Variants in USH2A observed in about 807,000 individuals in gnomAD.
The protein encoded by USH2A is Usher syndrome 2A (autosomal recessive, mild).
A neutral mutation model predicts 538.9 loss-of-function variants in USH2A; 443 were observed. The observed-to-expected ratio is 0.82, with a 90% CI of 0.76 to 0.89. The LOEUF is 0.89. Ranked by LOEUF, USH2A falls within the 40% of genes least tolerant of loss-of-function variation. The pLI, the probability that USH2A is intolerant of heterozygous loss-of-function variation, is 0.00. For synonymous variants in USH2A, 2,413 were observed against 2,273.5 expected (o/e 1.06, Z -1.75); for missense variants, 6,633 against 6,324.8 (o/e 1.05, Z -1.65).
chr1:215,761,688 T>C (rs930655722), intron 56 of USH2A, among the ~76,000 whole-genome samples: 18 of 152,280 alleles, frequency 1.2e-4, no homozygotes, highest in African/African-American at 4.1e-4. Flanking sequence ...TATACTTCTG[T>C]CTAAAAAATA....
At chr1:215,820,351 G>T (rs758171481) in intron 47 of USH2A, among the ~76,000 whole-genome samples, 1 of 151,240 alleles carries the variant, frequency 6.6e-6, no homozygotes, top group Non-Finnish European at 1.5e-5. Flanking sequence ...AAGTCTCTAG[G>T]TTGAATTGTT....
chr1:216,400,596 A>G (rs11117568), intron 3 of USH2A, among the ~76,000 whole-genome samples: 91,848 of 151,996 alleles, frequency 0.6, 28,572 homozygotes, highest in East Asian at 0.83. Flanking sequence ...AGCAAATCTC[A>G]TACAATAGGA....
chr1:215,721,585 T>C (rs564756929), intron 61 of USH2A, among the ~76,000 whole-genome samples: 1 of 152,226 alleles, frequency 6.6e-6, no homozygotes, highest in African/African-American at 2.4e-5. Flanking sequence ...TTCAAAAGAC[T>C]TACATGGTTT....
intron 14 of USH2A, among the ~76,000 whole-genome samples, chr1:216,225,689 C>T (rs979617237): frequency 3.3e-5 from 5 of 152,194 alleles, no homozygotes; most frequent in African/African-American, 1.2e-4. Context: ...ATCTAAGCCC[C>T]ACTCAAACTT....
chr1:216,049,396 G>C (rs1235704303), intron 30 of USH2A, among the ~76,000 whole-genome samples: 1 of 152,130 alleles, frequency 6.6e-6, no homozygotes. Flanking sequence ...AACACATTTT[G>C]TTTACTAGTG....
chr1:215,995,076 TC>T (rs1668102820), intron 34 of USH2A, among the ~76,000 whole-genome samples: 1 of 152,200 alleles, frequency 6.6e-6, no homozygotes, highest in Non-Finnish European at 1.5e-5. Flanking sequence ...ACTATTTTTT[TC>T]TTATTTGTAT....
intron 47 of USH2A, among the ~76,000 whole-genome samples, chr1:215,823,175 T>C (rs1283320324): frequency 1.3e-5 from 2 of 152,120 alleles, no homozygotes; most frequent in African/African-American, 4.8e-5. Flanking sequence ...ATTAGTTTTT[T>C]ATGTCTTGCA....
At chr1:215,661,598 G>A (rs1657439227) in intron 64 of USH2A, among the ~76,000 whole-genome samples, 1 of 152,128 alleles carries the variant, frequency 6.6e-6, no homozygotes. Context: ...TGATACAGTG[G>A]AGAATATTTT....
At chr1:216,268,610 C>A (rs1171476454) in intron 11 of USH2A, among the ~76,000 whole-genome samples, 3 of 152,078 alleles carry the variant, frequency 2.0e-5, no homozygotes, top group Non-Finnish European at 4.4e-5. Context: ...AGTGAAAGGA[C>A]CAATTATTTG....
chr1:215,841,679 G>A lies in USH2A; in HGVS notation c.9258+2615C>T, dbSNP rs112142443. On this transcript the variant is annotated intron_variant, in intron 46 of 71. Transcript: ENST00000307340. ...AACATCAAAAACAATTGCAACAAAAGCAAAAATTGACAAATGGGATCTAAT... is the reference window on the plus strand; with the variant it reads ...AACATCAAAAACAATTGCAACAAAAACAAAAATTGACAAATGGGATCTAAT... 6.7e-3 allele frequency among the ~76,000 whole-genome samples: 1,024 copies of A among 152,196 alleles called. 12 individuals carry two copies. Among genetic ancestry groups the A allele is most frequent in the African/African-American group, 0.023 (961 of 41,532 alleles).
intron 9 of USH2A, among the ~76,000 whole-genome samples, chr1:216,296,806 C>T (rs530632122): frequency 1.3e-5 from 2 of 152,024 alleles, no homozygotes; most frequent in East Asian, 3.9e-4. Flanking sequence ...GGAAATTGAC[C>T]TCTTTACATT....
At position 215,999,052 on chromosome 1, in the gene USH2A, T is replaced by C; in HGVS notation, c.6492A>G (p.Lys2164=). 1 of 1,611,040 alleles carries C rather than the reference T, an allele frequency of 6.2e-7. No individual in the cohort carries two copies. Among genetic ancestry groups the C allele is most frequent in the Non-Finnish European group, 8.5e-7 (1 of 1,177,658 alleles). ...LDSRTIHIQW[K]QPRKISGILE... ...GAATCCCACTTATTTTTCTTGGTTG[T>C]TTCCACCTGGGAATGGTAAAATACA... The change falls in exon 34 of 72, where the codon AAA becomes AAG. Residue 2164 remains lysine, a synonymous_variant. Transcript: ENST00000307340.
intron 68 of USH2A, 27 bp from the exon 69 acceptor site, chr1:215,639,265 G>T: frequency 6.2e-7 from 1 of 1,610,028 alleles, no homozygotes; most frequent in Non-Finnish European, 8.5e-7. Context: ...ACTGGTAAAT[G>T]ACTTGTTCAT....
intron 17 of USH2A, among the ~76,000 whole-genome samples, chr1:216,198,984 C>G (rs575340009): frequency 6.6e-6 from 1 of 152,128 alleles, no homozygotes; most frequent in Non-Finnish European, 1.5e-5. Context: ...CAGTCTGTAT[C>G]CTTTCAAATT....
intron 35 of USH2A, among the ~76,000 whole-genome samples, chr1:215,987,740 G>T (rs991713269): frequency 6.6e-6 from 1 of 152,188 alleles, no homozygotes; most frequent in African/African-American, 2.4e-5. Flanking sequence ...GGTCTTGTAA[G>T]CTGTAGTTTC....
chr1:216,288,775 A>G (rs2036939053), intron 11 of USH2A, among the ~76,000 whole-genome samples: 1 of 152,156 alleles, frequency 6.6e-6, no homozygotes, highest in African/African-American at 2.4e-5. Flanking sequence ...CTAGACATCG[A>G]TATTTGTGAT....
intron 64 of USH2A, among the ~76,000 whole-genome samples, chr1:215,666,694 G>A (rs970817208): frequency 9.2e-5 from 14 of 152,220 alleles, no homozygotes; most frequent in African/African-American, 2.6e-4. Flanking sequence ...GAAAATCACC[G>A]CTTGAAAATA....
intron 26 of USH2A, among the ~76,000 whole-genome samples, chr1:216,079,730 C>T (rs912115053): frequency 6.6e-6 from 1 of 152,044 alleles, no homozygotes; most frequent in Non-Finnish European, 1.5e-5. Context: ...ATAAGAAGTA[C>T]ACATTGAAAA....
intron 48 of USH2A, 94 bp from the exon 49 acceptor site, chr1:215,813,998 C>T (rs1662780949): frequency 1.5e-6 from 2 of 1,372,316 alleles, no homozygotes; most frequent in African/African-American, 2.9e-5. Context: ...TCTTGTAAGG[C>T]ATAGAAGATC....
Sources: allele counts gnomAD v4.1 joint callset (sites outside exome capture counted in the v4.1 genomes callset), GRCh38; gene constraint gnomAD v4.1.1; transcripts MANE v1.5; gene names NCBI Gene and HGNC (gene_info 2026-07-23, HGNC 2026-07-21).